SLC6A9: variants seen among roughly 807,000 people sequenced by gnomAD.
SLC6A9 encodes solute carrier family 6 member 9.
A neutral mutation model predicts 70.9 loss-of-function variants in SLC6A9; 31 were observed. The ratio of observed to expected loss-of-function variants is 0.44; its 90% CI spans 0.33 to 0.59. The LOEUF is 0.59. Among genes scored for constraint, SLC6A9 ranks in the 20% least tolerant of loss-of-function variants. SLC6A9 has a pLI of 0.04. For missense variants in SLC6A9, 631 were observed against 845.2 expected, an observed-to-expected ratio of 0.75 and a Z score of 3.14; for synonymous variants, 310 against 341.3, an observed-to-expected ratio of 0.91 and a Z score of 1.01.
At chr1:44,011,765 G>T in intron 2 of SLC6A9, 2 of 1,594,012 alleles carry the variant, frequency 1.3e-6, no homozygotes, top group Non-Finnish European at 1.7e-6. Flanking sequence ...CAGATGCGGG[G>T]ATTTGCCCCA....
At chr1:44,003,423 A>G (rs2086193357) in intron 5 of SLC6A9, among the ~76,000 whole-genome samples, 1 of 152,224 alleles carries the variant, frequency 6.6e-6, no homozygotes, top group African/African-American at 2.4e-5. Context: ...AATTAGCTCT[A>G]TCTCTGATAA....
At chr1:44,022,054 G>A (rs929991819) in intron 2 of SLC6A9, among the ~76,000 whole-genome samples, 2 of 152,260 alleles carry the variant, frequency 1.3e-5, no homozygotes, top group African/African-American at 4.8e-5. Context: ...GAGCGGGGAG[G>A]AGAGCGAGCC....
Position 44,000,878 on chromosome 1 carries a change from G to T in SLC6A9, c.1436-11C>A. On this transcript the variant is annotated splice_polypyrimidine_tract_variant and intron_variant, in intron 11 of 13. Transcript: ENST00000372310. ...AGTAGTTCCGGTGCCCTGGAGAGATGGGGGGTCAGCAGACCCGCAGGACAG... is the reference window on the plus strand; with the variant it reads ...AGTAGTTCCGGTGCCCTGGAGAGATTGGGGGTCAGCAGACCCGCAGGACAG... 6.3e-7 allele frequency: 1 copy of T among 1,598,752 alleles called. No homozygotes were observed. The highest frequency in any genetic ancestry group is 2.2e-5 in the East Asian group (1 of 44,814).
intron 5 of SLC6A9, among the ~76,000 whole-genome samples, chr1:44,007,609 G>C (rs1468903079): frequency 6.6e-6 from 1 of 152,150 alleles, no homozygotes. Context: ...GCCTAATCCT[G>C]GCAAGTTCTT....
chr1:44,017,864 A>T (rs1161864533), intron 2 of SLC6A9, among the ~76,000 whole-genome samples: 1 of 152,172 alleles, frequency 6.6e-6, no homozygotes. Flanking sequence ...TGGAATAAGA[A>T]CCCGTGAGGA....
chr1:44,030,011 A>T (rs1384657371), intron 1 of SLC6A9, among the ~76,000 whole-genome samples: 1 of 152,162 alleles, frequency 6.6e-6, no homozygotes, highest in African/African-American at 2.4e-5. Context: ...CTTTGTGCGG[A>T]AGCTGTCAGC....
chr1:44,017,259 C>T lies in SLC6A9; in HGVS notation c.31-6377G>A, dbSNP rs201985161. On this transcript the variant is annotated intron_variant, in intron 2 of 13. Coordinates refer to ENST00000372310, the MANE Select transcript of SLC6A9 (RefSeq NM_001024845.3). ...GCTCTGCCTACCCGCTCCCCTGGCC[C>T]TGCCCCTCCGGCCAGTCCCCATGCA... 12 of 1,507,806 alleles carry T rather than the reference C, an allele frequency of 8.0e-6. No individual in the cohort carries two copies. In the South Asian group the frequency reaches 1.0e-4, roughly 13 times the overall value. 93.4% of individuals were successfully genotyped at this position (1,507,806 alleles called of 1,614,324 possible). A position where few individuals can be genotyped will look rare whatever the true frequency, so the allele number is the denominator to read the frequency against.
rs147902950 is a variant in SLC6A9 at position 44,001,445 on chromosome 1, G to C, written c.1145C>G (p.Pro382Arg). Reference sequence around the variant, plus strand: ...GAAGAAGAAGAGCAGAGACCACAGCGGGGAGATGGGAAGTAGTGTGAGGGC... The same window carrying C: ...GAAGAAGAAGAGCAGAGACCACAGCCGGGAGATGGGAAGTAGTGTGAGGGC... The part of the protein sequence containing the change: ...PEALTLLPIS[P>R]LWSLLFFFML... Residue 382 changes from proline to arginine, a missense_variant, in exon 9 of 14, where the codon CCG becomes CGG. Physicochemically the swap from Pro to Arg is moderately radical, Grantham distance 103. Coordinates refer to ENST00000372310, the MANE Select transcript of SLC6A9 (RefSeq NM_001024845.3). 6.2e-7 allele frequency: 1 copy of C among 1,614,052 alleles called. No homozygotes were observed. The highest frequency in any genetic ancestry group is 8.5e-7 in the Non-Finnish European group (1 of 1,180,020).
In SLC6A9 at chr1:43,997,629, C is replaced by T. The variant is rs769461086; in HGVS notation, c.1818G>A (p.Glu606=). The T allele has an allele frequency of 6.2e-7, 1 of 1,614,016 alleles. No individual in the cohort carries two copies. Among genetic ancestry groups the T allele is most frequent in the Non-Finnish European group, 8.5e-7 (1 of 1,180,016 alleles). Residue 606 remains glutamate (E), a synonymous_variant, in exon 14 of 14, where the codon GAG becomes GAA. Coordinates refer to ENST00000372310, the MANE Select transcript of SLC6A9 (RefSeq NM_001024845.3). This position sits in a 1 kb window ranked among gnomAD's most constrained non-coding sequence, Gnocchi z 4.4. ...TIAPSPEDGF[E]VQPLHPDKAQ... is the part of the protein sequence containing the mutation. The stretch of plus-strand genomic sequence containing the variant: ...CCTTGTCCGGGTGCAGTGGCTGGAC[C>T]TCGAAGCCGTCCTCAGGAGAGGGGG...
intron 5 of SLC6A9, among the ~76,000 whole-genome samples, chr1:44,007,478 G>A (rs543031681): frequency 4.2e-4 from 64 of 152,258 alleles, no homozygotes; most frequent in Non-Finnish European, 9.3e-4. Flanking sequence ...GGGCACAGCA[G>A]GATGGCCTGA....
At position 44,001,629 on chromosome 1, in the gene SLC6A9, T is replaced by G; in HGVS notation, c.963-2A>C. On this transcript the variant is annotated splice_acceptor_variant, in intron 8 of 13. Coordinates refer to ENST00000372310, the MANE Select transcript of SLC6A9 (RefSeq NM_001024845.3). LOFTEE classifies it high-confidence loss of function. Reference sequence around the variant, plus strand: ...GTGATGCTGATGATGACACTGTCCCTGATGGGGAGGAAAACAGAGTTCAGC... The same window carrying G: ...GTGATGCTGATGATGACACTGTCCCGGATGGGGAGGAAAACAGAGTTCAGC... 6.2e-7 allele frequency: 1 copy of G among 1,606,010 alleles called. No individual in the cohort carries two copies. The highest frequency in any genetic ancestry group is 8.5e-7 in the Non-Finnish European group (1 of 1,174,444).
At chr1:43,998,983 G>GC (rs1553160174) in intron 12 of SLC6A9, among the ~76,000 whole-genome samples, 545 of 9,182 alleles carry the variant, frequency 0.059, 9 homozygotes, top group African/African-American at 0.12. Flanking sequence ...GGCGGGGGAA[G>GC]GGGGGGGGCA....
At chr1:44,010,620 G>T in intron 3 of SLC6A9, 106 bp downstream of exon 3, 1 of 1,186,608 alleles carries the variant, frequency 8.4e-7, no homozygotes, top group Non-Finnish European at 1.2e-6. Context: ...AGGGCCAGAG[G>T]CCAGCCTTTA....
chr1:44,007,840 C>A (rs1242314211), intron 5 of SLC6A9, among the ~76,000 whole-genome samples: 1 of 151,908 alleles, frequency 6.6e-6, no homozygotes, highest in African/African-American at 2.4e-5. Context: ...TTCCTCACGG[C>A]TACTCTGTAA....
Position 44,027,104 on chromosome 1 carries a change from G to C in SLC6A9, c.-85-2742C>G, listed in dbSNP as rs2086995774. Among the ~76,000 whole-genome samples the C allele has an allele frequency of 3.9e-5, 6 of 152,254 alleles. No homozygotes were observed. In the South Asian group the frequency reaches 1.2e-3, roughly 32 times the overall value. On this transcript the variant is annotated intron_variant, in intron 1 of 13. Coordinates refer to ENST00000372310, the MANE Select transcript of SLC6A9 (RefSeq NM_001024845.3). ...ACCAACTGATTGCCCGTGGCGTCCA[G>C]TCTCTTCTACGTGTGGAAGATCCAC...
At chr1:44,022,586 T>C (rs2086902625) in intron 2 of SLC6A9, among the ~76,000 whole-genome samples, 1 of 151,978 alleles carries the variant, frequency 6.6e-6, no homozygotes, top group South Asian at 2.1e-4. Flanking sequence ...AGAGCTGGCC[T>C]GAGGGTTGGG....
chr1:44,030,374 G>C (rs976902792), intron 1 of SLC6A9: 3 of 150,964 alleles, frequency 2.0e-5, no homozygotes, highest in Non-Finnish European at 4.4e-5. Flanking sequence ...CCCCGCCCCC[G>C]GGCCGGCACC....
At chr1:44,024,406 C>T (rs2086944380) in intron 1 of SLC6A9, 44 bp from the exon 2 acceptor site, 3 of 1,172,456 alleles carry the variant, frequency 2.6e-6, no homozygotes, top group Non-Finnish European at 3.8e-6. Context: ...GGCCGTGTGG[C>T]CCACAGGGCT....
At chr1:44,009,880 T>G in intron 4 of SLC6A9, 85 bp downstream of exon 4, 1 of 1,515,574 alleles carries the variant, frequency 6.6e-7, no homozygotes, top group Non-Finnish European at 9.0e-7. Context: ...TCAGCCATGT[T>G]TGTACAGATG....
Sources: allele counts gnomAD v4.1 joint callset (sites outside exome capture counted in the v4.1 genomes callset), GRCh38; gene constraint gnomAD v4.1.1; non-coding constraint Gnocchi (gnomAD v3.1); transcripts MANE v1.5; gene names NCBI Gene and HGNC (gene_info 2026-07-23, HGNC 2026-07-21).